DENND2A: variants seen among roughly 807,000 people sequenced by gnomAD.
The protein encoded by DENND2A is DENN domain-containing protein 2A.
In DENND2A, 53 loss-of-function variants were observed where a neutral mutation model predicts 105.3. That is an observed-to-expected ratio of 0.50 (90% confidence interval 0.40 to 0.63). The LOEUF is 0.63. Among genes scored for constraint, DENND2A ranks in the 30% least tolerant of loss-of-function variants. The probability of loss-of-function intolerance (pLI) is 0.00; values close to 1 mark genes in which losing one functional copy is unlikely to be tolerated. For synonymous variants in DENND2A, 522 were observed against 508.4 expected (o/e 1.03, Z -0.36); for missense variants, 1,138 against 1,279.6 (o/e 0.89, Z 1.69).
chr7:140,520,413 A>G (rs1007521783), intron 18 of DENND2A, among the ~76,000 whole-genome samples: 1 of 151,572 alleles, frequency 6.6e-6, no homozygotes, highest in Non-Finnish European at 1.5e-5. Flanking sequence ...CAAGTGGCTT[A>G]GTTTTCCAGG....
At chr7:140,581,645 C>A (rs556047877) in intron 5 of DENND2A, among the ~76,000 whole-genome samples, 1 of 152,172 alleles carries the variant, frequency 6.6e-6, no homozygotes, top group African/African-American at 2.4e-5. Context: ...TAGAACAGGG[C>A]ACACAGCAGA....
At chr7:140,565,030 G>T (rs1366971998) in intron 9 of DENND2A, among the ~76,000 whole-genome samples, 9 of 152,186 alleles carry the variant, frequency 5.9e-5, no homozygotes, top group African/African-American at 2.2e-4. Context: ...CCTTTGGAAG[G>T]CCGGTGCCTA....
chr7:140,518,508 G>A lies in DENND2A; in HGVS notation c.*199C>T, dbSNP rs377454904. The A allele has an allele frequency of 1.7e-4, 81 of 488,950 alleles. 1 individual carries two copies. The East Asian group carries it at 1.7e-3, about 10-fold the overall frequency. 30.3% of individuals were successfully genotyped at this position (488,950 alleles called of 1,614,324 possible). On this transcript the variant is annotated 3_prime_UTR_variant, in exon 20 of 20. Coordinates refer to ENST00000496613, the MANE Select transcript of DENND2A (RefSeq NM_015689.5). ...GCATGTCGGCGACACGCCTGGTCTCGGGCTCCCTTTCTGGGGCTGTCCTCC... is the reference window on the plus strand; with the variant it reads ...GCATGTCGGCGACACGCCTGGTCTCAGGCTCCCTTTCTGGGGCTGTCCTCC...
chr7:140,601,871 C>T lies in DENND2A; in HGVS notation c.527G>A (p.Gly176Glu). 1.2e-6 allele frequency: 2 copies of T among 1,614,176 alleles called. No homozygotes were observed. Among genetic ancestry groups the T allele is most frequent in the Non-Finnish European group, 8.5e-7 (1 of 1,180,032 alleles). ...AGTCCCTGGTAACTGGGGATCCAGC[C>T]CTGCCGACCCATCCTTCAAAGCCTG... is the stretch of plus-strand genomic sequence containing the variant. ...LEQALKDGSA[G>E]LDPQLPGTCY... The change falls in exon 3 of 20, where the codon GGG becomes GAG. Residue 176 changes from glycine to glutamate, a missense_variant. Gly to Glu is a moderately conservative substitution (Grantham distance 98). Coordinates refer to ENST00000496613, the MANE Select transcript of DENND2A (RefSeq NM_015689.5).
At chr7:140,577,688 G>C (rs549767379) in intron 5 of DENND2A, among the ~76,000 whole-genome samples, 1 of 152,180 alleles carries the variant, frequency 6.6e-6, no homozygotes, top group Non-Finnish European at 1.5e-5. Flanking sequence ...GTGATCCACC[G>C]CGCCCAGCCA....
Position 140,602,059 on chromosome 7 carries a change from T to C in DENND2A, c.339A>G (p.Gly113=). The part of the protein sequence containing the change: ...TESTEKERNK[G]AVNVGGQDPE... ...GGTCCTGTCCCCCGACGTTCACTGC[T>C]CCTTTATTCCTCTCCTTCTCTGTGC... is the stretch of plus-strand genomic sequence containing the variant. The change falls in exon 3 of 20, where the codon GGA becomes GGG. Residue 113 remains glycine, a synonymous_variant. Coordinates refer to ENST00000496613, the MANE Select transcript of DENND2A (RefSeq NM_015689.5). 1 of 1,614,154 alleles carries C rather than the reference T, an allele frequency of 6.2e-7. No homozygotes were observed. The highest frequency in any genetic ancestry group is 2.2e-5 in the East Asian group (1 of 44,870).
At position 140,601,471 on chromosome 7, in the gene DENND2A, G is replaced by GGAGGGCAGAGGCGGGGGAGGTAGA; in HGVS notation, c.903_926dup (p.Leu302_Ser309dup). 6.2e-7 allele frequency: 1 copy of GGAGGGCAGAGGCGGGGGAGGTAGA among 1,614,000 alleles called. No individual in the cohort carries two copies. The highest frequency in any genetic ancestry group is 8.5e-7 in the Non-Finnish European group (1 of 1,179,964). Reference sequence around the variant, plus strand: ...TGTTCACAGAGGAAGGTGGGGGAGAGGAGGGCAGAGGCGGGGGAGGTAGAG... The same window carrying GGAGGGCAGAGGCGGGGGAGGTAGA: ...TGTTCACAGAGGAAGGTGGGGGAGAGGAGGGCAGAGGCGGGGGAGGTAGAGAGGGCAGAGGCGGGGGAGGTAGAG... On this transcript the variant is annotated inframe_insertion, in exon 3 of 20. Transcript: ENST00000496613.
chr7:140,564,610 C>A (rs1040904082), intron 9 of DENND2A, among the ~76,000 whole-genome samples: 1 of 152,118 alleles, frequency 6.6e-6, no homozygotes, highest in African/African-American at 2.4e-5. Context: ...CTAGTGATTT[C>A]TTTCCTAATA....
chr7:140,534,409 G>T (rs1796387560), intron 14 of DENND2A, among the ~76,000 whole-genome samples: 1 of 152,118 alleles, frequency 6.6e-6, no homozygotes, highest in Non-Finnish European at 1.5e-5. Context: ...AAACAATTCT[G>T]CCCCTAAACA....
rs141508008 is a variant in DENND2A at position 140,591,266 on chromosome 7, C to T, written c.996-3486G>A. On this transcript the variant is annotated intron_variant, in intron 3 of 19. Transcript: ENST00000496613. ...GAGCCAAGATCAAGCCACTGCATTCCAGCCACTGCACTCTCACTCATTTTG... is the reference window on the plus strand; with the variant it reads ...GAGCCAAGATCAAGCCACTGCATTCTAGCCACTGCACTCTCACTCATTTTG... 1.5e-3 allele frequency among the ~76,000 whole-genome samples: 225 copies of T among 152,268 alleles called. 1 individual carries two copies. The highest frequency in any genetic ancestry group is 5.2e-3 in the African/African-American group (217 of 41,544).
rs749650533 is a variant in DENND2A at position 140,585,650 on chromosome 7, T to C, written c.1184A>G (p.Lys395Arg). 1.2e-6 allele frequency: 2 copies of C among 1,614,070 alleles called. No homozygotes were observed. The highest frequency in any genetic ancestry group is 2.7e-5 in the African/African-American group (2 of 74,920). ...DIELHGRCLG[K>R]KCVLNFPASP... ...AGCAGGAAAATTCAAGACACACTTC[T>C]TTCCCAGGCAGCGACCATGTAACTC... Residue 395 changes from lysine (K) to arginine (R), a missense_variant, in exon 5 of 20, where the codon AAG becomes AGG. Coordinates refer to ENST00000496613, the MANE Select transcript of DENND2A (RefSeq NM_015689.5).
chr7:140,557,425 TC>T (rs1380592833), intron 11 of DENND2A, among the ~76,000 whole-genome samples: 3 of 147,820 alleles, frequency 2.0e-5, no homozygotes, highest in Non-Finnish European at 4.5e-5. Context: ...GTATTTTCTT[TC>T]TGATGGAAAC....
At chr7:140,562,291 T>C (rs1797648081) in intron 9 of DENND2A, among the ~76,000 whole-genome samples, 1 of 152,112 alleles carries the variant, frequency 6.6e-6, no homozygotes, top group Admixed American at 6.6e-5. Flanking sequence ...AAGGTCACCA[T>C]GTGTCAGAGA....
intron 5 of DENND2A, 65 bp downstream of exon 5, chr7:140,585,524 C>G (rs1563159297): frequency 2.5e-6 from 4 of 1,605,684 alleles, no homozygotes; most frequent in Non-Finnish European, 3.4e-6. Context: ...GGCCGGAACT[C>G]CAGAGTGCTC....
At chr7:140,622,225 G>A (rs1417097045) in intron 1 of DENND2A, among the ~76,000 whole-genome samples, 2 of 151,682 alleles carry the variant, frequency 1.3e-5, no homozygotes, top group Admixed American at 6.6e-5. Context: ...TGGTGAAACC[G>A]TCTCTACTAA....
At chr7:140,633,119 C>G (rs936785984) in intron 1 of DENND2A, among the ~76,000 whole-genome samples, 1 of 151,816 alleles carries the variant, frequency 6.6e-6, no homozygotes, top group African/African-American at 2.4e-5. Flanking sequence ...AGCTCCGCCT[C>G]CCGCGTTCAC....
chr7:140,597,958 G>A (rs1173487078), intron 3 of DENND2A, among the ~76,000 whole-genome samples: 4 of 152,108 alleles, frequency 2.6e-5, no homozygotes, highest in Non-Finnish European at 5.9e-5. Flanking sequence ...CAGACCTCAA[G>A]TAACACTGAA....
chr7:140,528,708 T>G (rs1426528486), intron 14 of DENND2A, among the ~76,000 whole-genome samples: 1 of 149,340 alleles, frequency 6.7e-6, no homozygotes, highest in African/African-American at 2.5e-5. Context: ...TGCAGTGAAC[T>G]GAGATTACAC....
Position 140,544,648 on chromosome 7 carries a change from C to G in DENND2A, c.2297G>C (p.Arg766Thr), listed in dbSNP as rs1796819439. 1 of 1,614,026 alleles carries G rather than the reference C, an allele frequency of 6.2e-7. No individual in the cohort carries two copies. The highest frequency in any genetic ancestry group is 1.7e-5 in the Admixed American group (1 of 59,980). ...VCVFASLLLERRVIFIADKLS... is the reference protein window; with the variant it reads ...VCVFASLLLETRVIFIADKLS... Reference sequence around the variant, plus strand: ...CTTGTCTGCAATGAAGATGACCCTCCTCTCCAGAAGCAGGGAGGCAAACAC... The same window carrying G: ...CTTGTCTGCAATGAAGATGACCCTCGTCTCCAGAAGCAGGGAGGCAAACAC... The change falls in exon 14 of 20, where the codon AGG becomes ACG. Residue 766 changes from arginine (R) to threonine (T), a missense_variant. This residue lies in a region of DENND2A where 627 missense variants were observed against 779.8 expected (regional missense o/e 0.80). Coordinates refer to ENST00000496613, the MANE Select transcript of DENND2A (RefSeq NM_015689.5).
Sources: allele counts gnomAD v4.1 joint callset (sites outside exome capture counted in the v4.1 genomes callset), GRCh38; gene constraint gnomAD v4.1.1; regional missense constraint gnomAD v4.1.1; transcripts MANE v1.5; gene names NCBI Gene and HGNC (gene_info 2026-07-23, HGNC 2026-07-21).